ITSN1: variants seen among roughly 807,000 people sequenced by gnomAD.
The protein encoded by ITSN1 is intersectin-1.
A neutral mutation model predicts 239.8 loss-of-function variants in ITSN1; 58 were observed. That is an observed-to-expected ratio of 0.24 (90% confidence interval 0.20 to 0.30). The LOEUF is 0.30. Ranked by LOEUF, ITSN1 falls within the 10% of genes least tolerant of loss-of-function variation. ITSN1 has a pLI of 1.00. For synonymous variants in ITSN1, 780 were observed against 770.8 expected, an observed-to-expected ratio of 1.01 and a Z score of -0.20; for missense variants, 1,558 against 2,103.3, an observed-to-expected ratio of 0.74 and a Z score of 5.07.
chr21:33,803,999 C>A (rs560317988), intron 20 of ITSN1, among the ~76,000 whole-genome samples: 1 of 152,236 alleles, frequency 6.6e-6, no homozygotes, highest in African/African-American at 2.4e-5. Context: ...ATATTGACAT[C>A]TAATAGCAAC....
chr21:33,810,804 T>G, intron 20 of ITSN1, 171 bp from the exon 21 acceptor site: 1 of 813,882 alleles, frequency 1.2e-6, no homozygotes, highest in South Asian at 1.4e-5. Context: ...CATTTTTTTT[T>G]TCAGCATTAC....
chr21:33,685,222 T>G (rs530360747), intron 1 of ITSN1, among the ~76,000 whole-genome samples: 55 of 152,296 alleles, frequency 3.6e-4, no homozygotes, highest in Non-Finnish European at 6.9e-4. Context: ...AGAGCTTATG[T>G]TTTAAGAAAG....
intron 4 of ITSN1, among the ~76,000 whole-genome samples, chr21:33,732,448 C>T (rs1433278838): frequency 6.6e-6 from 1 of 152,116 alleles, no homozygotes; most frequent in African/African-American, 2.4e-5. Flanking sequence ...ATTTTGTTTT[C>T]AGTTTACATT....
rs2147648861 is a variant in ITSN1 at position 33,761,834 on chromosome 21, G to T, written c.725-89G>T. On this transcript the variant is annotated intron_variant, in intron 8 of 39. Transcript: ENST00000381318. ...AGCATTGTGATTGCATGAGGTCATG[G>T]AGTAGTCCACATACGCAGAACCCTG... 1.3e-5 allele frequency: 12 copies of T among 890,024 alleles called. No individual in the cohort carries two copies. The South Asian group carries it at 1.6e-4, about 12-fold the overall frequency. 55.1% of individuals were successfully genotyped at this position (890,024 alleles called of 1,614,324 possible).
chr21:33,760,107 CA>C (rs548123368), intron 8 of ITSN1, among the ~76,000 whole-genome samples: 404 of 123,506 alleles, frequency 3.3e-3, no homozygotes, highest in African/African-American at 8.1e-3. Context: ...GACTCCATCT[CA>C]AAAAAAAAAA....
intron 1 of ITSN1, among the ~76,000 whole-genome samples, chr21:33,704,854 C>G (rs1272354627): frequency 6.8e-6 from 1 of 147,986 alleles, no homozygotes; most frequent in East Asian, 2.0e-4. Context: ...TTTGGGAGGC[C>G]AGGGTGGGCA....
intron 1 of ITSN1, among the ~76,000 whole-genome samples, chr21:33,693,636 C>T (rs1422809902): frequency 6.6e-6 from 1 of 152,122 alleles, no homozygotes; most frequent in African/African-American, 2.4e-5. Context: ...GGACTACAGG[C>T]GTGAGCCACT....
intron 27 of ITSN1, among the ~76,000 whole-genome samples, chr21:33,831,446 A>T (rs539878164): frequency 1.3e-5 from 2 of 152,284 alleles, no homozygotes; most frequent in African/African-American, 2.4e-5. Flanking sequence ...AGACTGACTT[A>T]CCCAATCTGC....
At chr21:33,705,468 AGCT>A (rs2092214985) in intron 1 of ITSN1, among the ~76,000 whole-genome samples, 1 of 152,076 alleles carries the variant, frequency 6.6e-6, no homozygotes, top group Non-Finnish European at 1.5e-5. Context: ...GCTCACTGCA[AGCT>A]CTGCCTCCTG....
chr21:33,817,037 T>A lies in ITSN1; in HGVS notation c.2728-1230T>A, dbSNP rs537702437. ...ACATAATCATAACTTAATGTCAGTA[T>A]AATATAAATGACTTCTAAAGGCATG... On this transcript the variant is annotated intron_variant, in intron 22 of 39. Transcript: ENST00000381318. 3.3e-5 allele frequency among the ~76,000 whole-genome samples: 5 copies of A among 152,302 alleles called. No individual in the cohort carries two copies. The South Asian group carries it at 8.3e-4, about 25-fold the overall frequency.
intron 8 of ITSN1, 28 bp from the exon 9 acceptor site, chr21:33,761,895 G>A: frequency 2.5e-6 from 4 of 1,579,218 alleles, no homozygotes; most frequent in Non-Finnish European, 3.5e-6. Context: ...TGACTCATCT[G>A]TATGTCCTTT....
intron 5 of ITSN1, among the ~76,000 whole-genome samples, chr21:33,743,224 A>C (rs537913454): frequency 5.2e-4 from 79 of 152,214 alleles, no homozygotes; most frequent in Non-Finnish European, 1.1e-3. Context: ...CCAGCACTTT[A>C]AGAGGCCGAG....
chr21:33,775,133 CTATTA>C (rs750797792), intron 14 of ITSN1, 25 bp downstream of exon 14: 2 of 1,594,196 alleles, frequency 1.3e-6, no homozygotes, highest in East Asian at 2.2e-5. Context: ...CTCTTAAAAG[CTATTA>C]TATTAAACTG....
At chr21:33,723,578 C>T (rs1348036803) in intron 4 of ITSN1, among the ~76,000 whole-genome samples, 1 of 152,110 alleles carries the variant, frequency 6.6e-6, no homozygotes, top group African/African-American at 2.4e-5. Context: ...CATGCCACTG[C>T]ACTCCAGCCT....
In ITSN1 at chr21:33,858,610, C is replaced by T; in HGVS notation, c.3784-76C>T. ...CAGACACCTGAGCCCTTTCCCTGCT[C>T]TCAGCGGATCGGCGTGTGAGTGTGT... On this transcript the variant is annotated intron_variant, in intron 30 of 39. Transcript: ENST00000381318. The T allele has an allele frequency of 5.5e-6, 5 of 909,350 alleles. No individual in the cohort carries two copies. The Admixed American group carries it at 9.2e-5, about 17-fold the overall frequency. 56.3% of individuals were successfully genotyped at this position (909,350 alleles called of 1,614,324 possible). A position where few individuals can be genotyped will look rare whatever the true frequency, so the allele number is the denominator to read the frequency against.
chr21:33,771,353 C>T (rs975604143), intron 11 of ITSN1, among the ~76,000 whole-genome samples: 15 of 151,942 alleles, frequency 9.9e-5, no homozygotes, highest in South Asian at 4.2e-4. Context: ...CTCCCCTGGC[C>T]GGCGTTGGTA....
chr21:33,693,147 A>C (rs2091627136), intron 1 of ITSN1, among the ~76,000 whole-genome samples: 1 of 152,164 alleles, frequency 6.6e-6, no homozygotes, highest in Non-Finnish European at 1.5e-5. Context: ...GAACGCTGTA[A>C]GCTTTATGAA....
chr21:33,674,579 T>C (rs2090485623), intron 1 of ITSN1, among the ~76,000 whole-genome samples: 1 of 151,904 alleles, frequency 6.6e-6, no homozygotes, highest in South Asian at 2.1e-4. Context: ...CCCTTTGTGC[T>C]CTCCACAGAC....
At chr21:33,646,702 C>T (rs2087986422) in intron 1 of ITSN1, among the ~76,000 whole-genome samples, 1 of 152,130 alleles carries the variant, frequency 6.6e-6, no homozygotes, top group South Asian at 2.1e-4. Context: ...GAGACACATC[C>T]ACTTAATAAA....
Sources: gnomAD v4.1 joint callset for allele counts (sites outside exome capture counted in the v4.1 genomes callset) on GRCh38, gnomAD v4.1.1 for gene constraint, MANE v1.5 for transcripts, NCBI Gene and HGNC (gene_info 2026-07-23, HGNC 2026-07-21) for gene names.